Variants in GRID2 observed in about 807,000 individuals in gnomAD.
GRID2 encodes glutamate receptor ionotropic, delta-2.
Under a neutral mutation model 114.8 loss-of-function variants are expected in GRID2, and 33 were observed. The observed-to-expected ratio is 0.29, with a 90% confidence interval of 0.22 to 0.38. GRID2 has a LOEUF of 0.38. Ranked by LOEUF, GRID2 falls within the 10% of genes least tolerant of loss-of-function variation. GRID2 has a pLI of 1.00. For synonymous variants in GRID2, 505 were observed against 449.9 expected (o/e 1.12, Z -1.55); for missense variants, 1,184 against 1,257.7 (o/e 0.94, Z 0.89).
At chr4:93,215,572 G>C (rs1744110764) in intron 5 of GRID2, among the ~76,000 whole-genome samples, 4 of 151,908 alleles carry the variant, frequency 2.6e-5, no homozygotes. Flanking sequence ...CATTTTTATG[G>C]AACATTAAGG....
intron 1 of GRID2, among the ~76,000 whole-genome samples, chr4:92,502,705 C>CTT (rs70940901): frequency 3.0e-4 from 19 of 63,944 alleles, no homozygotes; most frequent in African/African-American, 5.1e-4. Flanking sequence ...CATGTGATTT[C>CTT]TTTTTTTTTT....
chr4:92,762,366 G>A lies in GRID2; in HGVS notation c.244+172080G>A, dbSNP rs201717974. Among the ~76,000 whole-genome samples, 18 of 151,932 alleles carry A rather than the reference G, an allele frequency of 1.2e-4. 1 individual carries two copies. The East Asian group carries it at 3.5e-3, about 29-fold the overall frequency. On this transcript the variant is annotated intron_variant, in intron 2 of 15. Transcript: ENST00000282020. ...TCTTCCAAGTAGACTAAGCTTTAGT[G>A]TAGAGTCAAATGAATACTCCTTTAA...
At chr4:92,836,204 C>T (rs536010721) in intron 2 of GRID2, among the ~76,000 whole-genome samples, 3 of 152,200 alleles carry the variant, frequency 2.0e-5, no homozygotes, top group South Asian at 4.1e-4. Flanking sequence ...AAACTATTTA[C>T]AATCTTGTCC....
chr4:93,127,513 T>G (rs904889448), intron 4 of GRID2, among the ~76,000 whole-genome samples: 3 of 152,224 alleles, frequency 2.0e-5, no homozygotes, highest in Admixed American at 2.0e-4. Flanking sequence ...ATTTATTGTG[T>G]TTTCCTTACG....
At chr4:92,931,871 AAAG>A (rs1370129291) in intron 2 of GRID2, among the ~76,000 whole-genome samples, 2 of 151,214 alleles carry the variant, frequency 1.3e-5, no homozygotes, top group African/African-American at 2.4e-5. Flanking sequence ...TCAATGGAAA[AAAG>A]AAGGCCTTTT....
intron 1 of GRID2, among the ~76,000 whole-genome samples, chr4:92,497,785 C>T (rs182095210): frequency 6.6e-4 from 100 of 151,988 alleles, no homozygotes; most frequent in African/African-American, 2.2e-3. Context: ...TTTTCCACTG[C>T]TTGCAAGAAC....
intron 8 of GRID2, among the ~76,000 whole-genome samples, chr4:93,302,384 T>C (rs59290808): frequency 0.054 from 8,209 of 152,250 alleles, 743 homozygotes; most frequent in African/African-American, 0.19. Flanking sequence ...AAACTGTGGC[T>C]GAAAGCCCCA....
chr4:93,408,802 C>G (rs1229638417), intron 9 of GRID2, among the ~76,000 whole-genome samples: 3 of 152,112 alleles, frequency 2.0e-5, no homozygotes, highest in Non-Finnish European at 2.9e-5. Flanking sequence ...ATATCAGCAC[C>G]TTTCTGCTGT....
chr4:92,904,668 A>C (rs1371663995), intron 2 of GRID2, among the ~76,000 whole-genome samples: 1 of 152,062 alleles, frequency 6.6e-6, no homozygotes, highest in East Asian at 1.9e-4. Context: ...TAGATGTGAT[A>C]AAGTGATAGG....
intron 2 of GRID2, among the ~76,000 whole-genome samples, chr4:93,046,485 T>C (rs1304686834): frequency 6.6e-6 from 1 of 152,120 alleles, no homozygotes; most frequent in African/African-American, 2.4e-5. Context: ...AGCCACCTTG[T>C]TGTATGTATA....
intron 2 of GRID2, among the ~76,000 whole-genome samples, chr4:92,682,686 A>G (rs1429380419): frequency 1.4e-5 from 2 of 142,834 alleles, no homozygotes; most frequent in Non-Finnish European, 3.0e-5. Context: ...CGCAGGGCAC[A>G]CACACACACA....
chr4:93,040,045 G>T (rs921185074), intron 2 of GRID2, among the ~76,000 whole-genome samples: 1 of 152,048 alleles, frequency 6.6e-6, no homozygotes, highest in Non-Finnish European at 1.5e-5. Context: ...CTTAAATTCT[G>T]TTTTATTCTT....
chr4:93,038,099 G>A (rs886104287), intron 2 of GRID2, among the ~76,000 whole-genome samples: 1 of 152,162 alleles, frequency 6.6e-6, no homozygotes, highest in African/African-American at 2.4e-5. Context: ...AGCATGGAAT[G>A]TTTTTCCATT....
intron 14 of GRID2, among the ~76,000 whole-genome samples, chr4:93,722,913 T>G (rs1195037375): frequency 5.3e-5 from 8 of 152,248 alleles, no homozygotes; most frequent in Non-Finnish European, 1.2e-4. Context: ...ATTCTAAACT[T>G]CTTCCAAACA....
intron 8 of GRID2, among the ~76,000 whole-genome samples, chr4:93,315,032 C>G (rs967426214): frequency 3.9e-5 from 6 of 152,046 alleles, no homozygotes; most frequent in Admixed American, 2.6e-4. Context: ...TTTTGCCTGG[C>G]TGGGGAGGCC....
intron 1 of GRID2, among the ~76,000 whole-genome samples, chr4:92,350,705 C>A (rs1204473413): frequency 6.6e-6 from 1 of 151,616 alleles, no homozygotes; most frequent in Non-Finnish European, 1.5e-5. Flanking sequence ...TGTAATTCAC[C>A]CATTTAAAAT....
rs1009130869 is a variant in GRID2 at position 93,109,983 on chromosome 4, T to C, written c.530-765T>C. On this transcript the variant is annotated intron_variant, in intron 3 of 15. Transcript: ENST00000282020. ...TGGACATTTTAATTTGATAAATTTC[T>C]AGAACTTTGCTTATTTTGGAATAAG... Among the ~76,000 whole-genome samples, 11 of 152,276 alleles carry C rather than the reference T, an allele frequency of 7.2e-5. No individual in the cohort carries two copies. The South Asian group carries it at 2.3e-3, about 32-fold the overall frequency.
At chr4:92,834,512 G>T (rs760907019) in intron 2 of GRID2, among the ~76,000 whole-genome samples, 1 of 152,032 alleles carries the variant, frequency 6.6e-6, no homozygotes, top group Non-Finnish European at 1.5e-5. Context: ...AATTTTTGTC[G>T]TTTAATCAGG....
chr4:93,536,843 A>G (rs1339633258), intron 13 of GRID2, among the ~76,000 whole-genome samples: 1 of 151,640 alleles, frequency 6.6e-6, no homozygotes, highest in Admixed American at 6.6e-5. Flanking sequence ...CAGTCATGCA[A>G]AGTTTTTTGA....
Sources: gnomAD v4.1 joint callset for allele counts (sites outside exome capture counted in the v4.1 genomes callset) on GRCh38, gnomAD v4.1.1 for gene constraint, MANE v1.5 for transcripts, NCBI Gene and HGNC (gene_info 2026-07-23, HGNC 2026-07-21) for gene names.